ABCG8: variants seen among roughly 807,000 people sequenced by gnomAD.
ABCG8 encodes the protein ATP-binding cassette sub-family G member 8.
In ABCG8, 81 loss-of-function variants were observed where a neutral mutation model predicts 71.3. The observed-to-expected ratio is 1.14, with a 90% CI of 0.95 to 1.37. The LOEUF is 1.37. Ranked by LOEUF, ABCG8 falls within the 40% of genes most tolerant of loss-of-function variation. The pLI, the probability that ABCG8 is intolerant of heterozygous loss-of-function variation, is 0.00. For missense variants in ABCG8, 1,119 were observed against 866.2 expected, an observed-to-expected ratio of 1.29 and a Z score of -3.66; for synonymous variants, 451 against 354.7, an observed-to-expected ratio of 1.27 and a Z score of -3.05.
intron 11 of ABCG8, 74 bp from the exon 12 acceptor site, chr2:43,877,487 G>C: frequency 6.2e-7 from 1 of 1,607,848 alleles, no homozygotes; most frequent in Non-Finnish European, 8.5e-7. Context: ...TGAATATGGG[G>C]GAGACCATGC....
chr2:43,853,950 C>T (rs895273057), intron 6 of ABCG8, among the ~76,000 whole-genome samples: 1 of 152,184 alleles, frequency 6.6e-6, no homozygotes, highest in African/African-American at 2.4e-5. Flanking sequence ...AGGTCACCTC[C>T]CTCCCTGTGC....
intron 6 of ABCG8, among the ~76,000 whole-genome samples, chr2:43,868,716 A>G (rs1669634282): frequency 6.6e-6 from 1 of 151,984 alleles, no homozygotes; most frequent in Admixed American, 6.5e-5. Flanking sequence ...CAGCATCTGG[A>G]TATAATTCCC....
intron 6 of ABCG8, among the ~76,000 whole-genome samples, chr2:43,866,467 A>G (rs1164638929): frequency 2.0e-5 from 3 of 152,164 alleles, no homozygotes; most frequent in Admixed American, 6.5e-5. Flanking sequence ...GCTAATATCC[A>G]GAATCTACAA....
At chr2:43,864,196 A>G (rs976118334) in intron 6 of ABCG8, among the ~76,000 whole-genome samples, 15 of 151,468 alleles carry the variant, frequency 9.9e-5, no homozygotes, top group African/African-American at 3.4e-4. Context: ...CTCTCTCTAT[A>G]TATAGAATTC....
At chr2:43,866,478 T>A (rs1246438002) in intron 6 of ABCG8, among the ~76,000 whole-genome samples, 2 of 151,728 alleles carry the variant, frequency 1.3e-5, no homozygotes, top group African/African-American at 4.8e-5. Flanking sequence ...GAATCTACAA[T>A]GAAGTCAAAC....
At chr2:43,856,907 A>G (rs1181090794) in intron 6 of ABCG8, among the ~76,000 whole-genome samples, 1 of 150,398 alleles carries the variant, frequency 6.6e-6, no homozygotes, top group Non-Finnish European at 1.5e-5. Flanking sequence ...CACCATCTGG[A>G]TAGAATTCTC....
chr2:43,862,184 C>T (rs984389601), intron 6 of ABCG8, among the ~76,000 whole-genome samples: 4 of 150,734 alleles, frequency 2.7e-5, no homozygotes, highest in African/African-American at 9.7e-5. Context: ...AGAATTCTCA[C>T]TATCTATCTT....
At chr2:43,854,608 T>C (rs184479713) in intron 6 of ABCG8, among the ~76,000 whole-genome samples, 3 of 122,722 alleles carry the variant, frequency 2.4e-5, no homozygotes, top group East Asian at 2.4e-4. Flanking sequence ...GTCTGGGCGA[T>C]AGAGTGAGAC....
chr2:43,849,998 G>C (rs767345647), intron 3 of ABCG8, among the ~76,000 whole-genome samples: 1 of 152,036 alleles, frequency 6.6e-6, no homozygotes, highest in Non-Finnish European at 1.5e-5. Context: ...TCAGGGGTTC[G>C]AGACCAGCCT....
At chr2:43,863,862 G>A (rs1300590292) in intron 6 of ABCG8, among the ~76,000 whole-genome samples, 11 of 144,296 alleles carry the variant, frequency 7.6e-5, no homozygotes, top group East Asian at 2.1e-4. Context: ...ATCTGTCTAG[G>A]TAGAATTCTC....
chr2:43,845,108 A>G (rs1668703832), intron 2 of ABCG8, among the ~76,000 whole-genome samples: 1 of 145,140 alleles, frequency 6.9e-6, no homozygotes, highest in Non-Finnish European at 1.5e-5. Flanking sequence ...GTATATATAT[A>G]TATATATATA....
At chr2:43,863,410 G>A (rs907442805) in intron 6 of ABCG8, among the ~76,000 whole-genome samples, 1 of 140,178 alleles carries the variant, frequency 7.1e-6, no homozygotes, top group East Asian at 2.1e-4. Context: ...TTCATCTAGA[G>A]AGAATTCCCA....
At chr2:43,845,930 CT>C (rs1668729312) in intron 2 of ABCG8, among the ~76,000 whole-genome samples, 1 of 152,140 alleles carries the variant, frequency 6.6e-6, no homozygotes, top group Non-Finnish European at 1.5e-5. Flanking sequence ...CCTGTACATG[CT>C]TTTCATTCTT....
At chr2:43,856,869 A>G (rs1006501571) in intron 6 of ABCG8, among the ~76,000 whole-genome samples, 1 of 151,576 alleles carries the variant, frequency 6.6e-6, no homozygotes, top group African/African-American at 2.4e-5. Flanking sequence ...TCTGGATAAA[A>G]CTCTCACTAT....
chr2:43,867,213 G>A (rs181389945), intron 6 of ABCG8, among the ~76,000 whole-genome samples: 1,581 of 119,826 alleles, frequency 0.013, 15 homozygotes, highest in Non-Finnish European at 0.022. Flanking sequence ...GGGGGAGGGG[G>A]GAGGGATAGC....
chr2:43,846,170 C>T lies in ABCG8; in HGVS notation c.181C>T (p.Gln61Ter). ...CTCCCCACAGGTGGACCTGGCCTCT[C>T]AGGTCCCTTGGTTTGAGCAGCTGGC... ...DLNYQVDLAS[Q>*]VPWFEQLAQF... is the part of the protein sequence containing the mutation. The change falls in exon 3 of 13, where the codon CAG becomes TAG. Residue 61 changes from glutamine to a stop codon, truncating the protein, a stop_gained. Transcript: ENST00000272286. LOFTEE classifies it high-confidence loss of function. 6.2e-7 allele frequency: 1 copy of T among 1,613,626 alleles called. No individual in the cohort carries two copies. Among genetic ancestry groups the T allele is most frequent in the South Asian group, 1.1e-5 (1 of 91,044 alleles).
intron 6 of ABCG8, among the ~76,000 whole-genome samples, chr2:43,864,129 T>C (rs1271744734): frequency 1.3e-5 from 2 of 151,406 alleles, no homozygotes; most frequent in African/African-American, 4.8e-5. Context: ...ATTCCCACCA[T>C]CTGGATAGAA....
At chr2:43,855,428 G>A (rs1669069916) in intron 6 of ABCG8, among the ~76,000 whole-genome samples, 1 of 150,848 alleles carries the variant, frequency 6.6e-6, no homozygotes, top group African/African-American at 2.4e-5. Context: ...CTATCTATCT[G>A]GATGGAATTC....
chr2:43,867,051 A>G lies in ABCG8; in HGVS notation c.965-4925A>G, dbSNP rs184722959. ...GTGAGTTCATGTCCTTTATAGGAAC[A>G]TGGATGAAATTGGAAATCATCATTC... is the stretch of plus-strand genomic sequence containing the variant. On this transcript the variant is annotated intron_variant, in intron 6 of 12. Transcript: ENST00000272286. Among the ~76,000 whole-genome samples, 103 of 152,248 alleles carry G rather than the reference A, an allele frequency of 6.8e-4. 1 individual carries two copies. The highest frequency in any genetic ancestry group is 7.8e-4 in the Non-Finnish European group (53 of 68,032).
Sources: allele counts gnomAD v4.1 joint callset (sites outside exome capture counted in the v4.1 genomes callset), GRCh38; gene constraint gnomAD v4.1.1; transcripts MANE v1.5; gene names NCBI Gene and HGNC (gene_info 2026-07-23, HGNC 2026-07-21).